HCAR3: variants seen among roughly 807,000 people sequenced by gnomAD.
The protein encoded by HCAR3 is hydroxycarboxylic acid receptor 3, also known as G-protein coupled receptor 109B.
For missense variants in HCAR3, 404 were observed against 501.2 expected, an observed-to-expected ratio of 0.81 and a Z score of 1.85; for synonymous variants, 167 against 201.0, an observed-to-expected ratio of 0.83 and a Z score of 1.43.
rs908688099 is a variant in HCAR3 at position 122,715,590 on chromosome 12, C to T, written c.1148G>A (p.Gly383Asp). The T allele has an allele frequency of 6.2e-7, 1 of 1,604,872 alleles. No homozygotes were observed. Among genetic ancestry groups the T allele is most frequent in the Admixed American group, 1.7e-5 (1 of 58,320 alleles). ...QEPASLEKQL[G>D]CCIE ...CCAGTGACATTACTCGATGCAACAG[C>T]CCAACTGTTTCTCCAGAGATGCTGG... is the stretch of plus-strand genomic sequence containing the variant. Residue 383 changes from glycine to aspartate, a missense_variant, in exon 1 of 1, where the codon GGC becomes GAC. Gly to Asp is a moderately conservative substitution (Grantham distance 94). Transcript: ENST00000528880.
In HCAR3 at chr12:122,716,300, G is replaced by A. The variant is rs769456602; in HGVS notation, c.438C>T (p.Ile146=). Residue 146 remains isoleucine (I), a synonymous_variant, in exon 1 of 1, where the codon ATC becomes ATT. Transcript: ENST00000528880. The part of the protein sequence containing the change: ...LNKISNWTAA[I]ISCLLWGITV... ...TGATGCCCCACAGAAGGCAAGAGATGATGGCTGCTGTCCAATTGGAGATCT... is the reference window on the plus strand; with the variant it reads ...TGATGCCCCACAGAAGGCAAGAGATAATGGCTGCTGTCCAATTGGAGATCT... 2 of 1,614,140 alleles carry A rather than the reference G, an allele frequency of 1.2e-6. No individual in the cohort carries two copies. The highest frequency in any genetic ancestry group is 3.3e-5 in the Admixed American group (2 of 60,018).
rs371432087 is a variant in HCAR3, at chr12:122,715,594, A to G, written c.1144T>C (p.Leu382=). ...TGACATTACTCGATGCAACAGCCCAACTGTTTCTCCAGAGATGCTGGTTCT... is the reference window on the plus strand; with the variant it reads ...TGACATTACTCGATGCAACAGCCCAGCTGTTTCTCCAGAGATGCTGGTTCT... The part of the protein sequence containing the change: ...HQEPASLEKQ[L]GCCIE The change falls in exon 1 of 1, where the codon TTG becomes CTG. Residue 382 remains leucine, a synonymous_variant. Coordinates refer to ENST00000528880, the MANE Select transcript of HCAR3 (RefSeq NM_006018.3). 80 of 1,607,132 alleles carry G rather than the reference A, an allele frequency of 5.0e-5. No homozygotes were observed. Among genetic ancestry groups the G allele is most frequent in the Non-Finnish European group, 6.6e-5 (78 of 1,177,184 alleles).
rs746631594 is a variant in HCAR3 at position 122,716,201 on chromosome 12, G to T, written c.537C>A (p.Ser179Arg). The T allele has an allele frequency of 6.2e-7, 1 of 1,614,168 alleles. No individual in the cohort carries two copies. Among genetic ancestry groups the T allele is most frequent in the East Asian group, 2.2e-5 (1 of 44,876 alleles). Residue 179 changes from serine (S) to arginine (R), a missense_variant, in exon 1 of 1, where the codon AGC becomes AGA. Transcript: ENST00000528880. ...ACCGGAAGGTATGGCAGATGCTGAA[G>T]CTGATGCACACATTTGCAGTGCCAT... ...IQNGTANVCI[S>R]FSICHTFRWH...
At position 122,715,954 on chromosome 12, in the gene HCAR3, C is replaced by T. The variant is rs758617188; in HGVS notation, c.784G>A (p.Gly262Ser). The T allele has an allele frequency of 1.3e-6, 2 of 1,545,916 alleles. No individual in the cohort carries two copies. The highest frequency in any genetic ancestry group is 1.8e-6 in the Non-Finnish European group (2 of 1,127,626). The change falls in exon 1 of 1, where the codon GGC becomes AGC. Residue 262 changes from glycine to serine, a missense_variant. Gly to Ser is a moderately conservative substitution (Grantham distance 56, BLOSUM62 0). Coordinates refer to ENST00000528880, the MANE Select transcript of HCAR3 (RefSeq NM_006018.3). Reference protein sequence around the residue: ...IHIFWLLHTSGTQNCEVYRSV... With the variant: ...IHIFWLLHTSSTQNCEVYRSV... ...CGGTACACTTCACAATTCTGCGTGC[C>T]CGAAGTGTGCAGGAGCCAGAAGATG...
chr12:122,716,196 C>A lies in HCAR3; in HGVS notation c.542G>T (p.Ser181Ile), dbSNP rs1259571383. 1.2e-5 allele frequency: 20 copies of A among 1,613,984 alleles called. 1 individual carries two copies. In the Admixed American group the frequency reaches 3.2e-4, roughly 26 times the overall value. The change falls in exon 1 of 1, where the codon AGC (serine) becomes ATC (isoleucine). Residue 181 changes from serine to isoleucine, a missense_variant. Transcript: ENST00000528880. ...GTGCCACCGGAAGGTATGGCAGATG[C>A]TGAAGCTGATGCACACATTTGCAGT... ...NGTANVCISF[S>I]ICHTFRWHEA... is the part of the protein sequence containing the mutation.
Position 122,714,931 on chromosome 12 carries a change from T to G in HCAR3, c.*643A>C, listed in dbSNP as rs142365954. 1 of 150,412 alleles carries G rather than the reference T, an allele frequency of 6.6e-6. No individual in the cohort carries two copies. The highest frequency in any genetic ancestry group is 2.5e-5 in the African/African-American group (1 of 40,606). 9.3% of individuals were successfully genotyped at this position (150,412 alleles called of 1,614,324 possible). A position where few individuals can be genotyped will look rare whatever the true frequency, so the allele number is the denominator to read the frequency against. On this transcript the variant is annotated 3_prime_UTR_variant, in exon 1 of 1. Coordinates refer to ENST00000528880, the MANE Select transcript of HCAR3 (RefSeq NM_006018.3). The stretch of plus-strand genomic sequence containing the variant: ...TCTATCCTGAAGCCGTTTTAACTGT[T>G]CAACCCTTAGATTACTATAAACAAG...
rs377693593 is a variant in HCAR3 at position 122,715,648 on chromosome 12, T to C, written c.1090A>G (p.Asn364Asp). 7.4e-6 allele frequency: 12 copies of C among 1,613,936 alleles called. No individual in the cohort carries two copies. The highest frequency in any genetic ancestry group is 3.3e-5 in the South Asian group (3 of 91,050). ...TGACAATGTCCCTTCTTGGAATGGT[T>C]ATTTGAGGTTGGGCCCAGATAAGAG... ...SPSYLGPTSN[N>D]HSKKGHCHQE... The change falls in exon 1 of 1, where the codon AAC becomes GAC. Residue 364 changes from asparagine to aspartate, a missense_variant. Physicochemically the swap from Asn to Asp is conservative, Grantham distance 23. Transcript: ENST00000528880.
chr12:122,716,203 T>G lies in HCAR3; in HGVS notation c.535A>C (p.Ser179Arg). The G allele has an allele frequency of 6.2e-7, 1 of 1,614,148 alleles. No individual in the cohort carries two copies. Among genetic ancestry groups the G allele is most frequent in the Non-Finnish European group, 8.5e-7 (1 of 1,180,018 alleles). Residue 179 changes from serine (S) to arginine (R), a missense_variant, in exon 1 of 1, where the codon AGC becomes CGC. By Grantham distance (110) the Ser-to-Arg change is moderately radical (BLOSUM62 -1). Coordinates refer to ENST00000528880, the MANE Select transcript of HCAR3 (RefSeq NM_006018.3). ...IQNGTANVCISFSICHTFRWH... is the reference protein window; with the variant it reads ...IQNGTANVCIRFSICHTFRWH... Reference sequence around the variant, plus strand: ...CGGAAGGTATGGCAGATGCTGAAGCTGATGCACACATTTGCAGTGCCATTC... The same window carrying G: ...CGGAAGGTATGGCAGATGCTGAAGCGGATGCACACATTTGCAGTGCCATTC...
At position 122,716,653 on chromosome 12, in the gene HCAR3, C is replaced by A. The variant is rs1877564212; in HGVS notation, c.85G>T (p.Val29Leu). 3 of 1,614,022 alleles carry A rather than the reference C, an allele frequency of 1.9e-6. No homozygotes were observed. The highest frequency in any genetic ancestry group is 3.3e-5 in the Admixed American group (2 of 59,982). Residue 29 changes from valine (V) to leucine (L), a missense_variant, in exon 1 of 1, where the codon GTG (valine) becomes TTG (leucine). Val to Leu is a conservative substitution (Grantham distance 32). Transcript: ENST00000528880. ...CVFRDDFIAK[V>L]LPPVLGLEFI... ...TCCAGCCCCAACACCGGCGGCAACA[C>A]CTTGGCAATGAAGTCATCTCGGAAC...
chr12:122,716,804 T>C lies in HCAR3; in HGVS notation c.-67A>G, dbSNP rs1312122246. On this transcript the variant is annotated 5_prime_UTR_variant, in exon 1 of 1. Transcript: ENST00000528880. The stretch of plus-strand genomic sequence containing the variant: ...ATGCTCCAGCAAAGTGGCGTGTGTC[T>C]GTATGGTGAACGTGTGGTTCCGTGC... 44 of 1,579,840 alleles carry C rather than the reference T, an allele frequency of 2.8e-5. No homozygotes were observed. Among genetic ancestry groups the C allele is most frequent in the Non-Finnish European group, 3.7e-5 (43 of 1,159,966 alleles).
chr12:122,716,305 C>T lies in HCAR3; in HGVS notation c.433G>A (p.Ala145Thr), dbSNP rs1353088000. 1.2e-6 allele frequency: 2 copies of T among 1,614,084 alleles called. No homozygotes were observed. The highest frequency in any genetic ancestry group is 1.1e-5 in the South Asian group (1 of 91,070). The change falls in exon 1 of 1, where the codon GCC becomes ACC. Residue 145 changes from alanine (A) to threonine (T), a missense_variant. Physicochemically the swap from Ala to Thr is moderately conservative, Grantham distance 58. Transcript: ENST00000528880. ...ALNKISNWTA[A>T]IISCLLWGIT... Reference sequence around the variant, plus strand: ...CCCCACAGAAGGCAAGAGATGATGGCTGCTGTCCAATTGGAGATCTTGTTC... The same window carrying T: ...CCCCACAGAAGGCAAGAGATGATGGTTGCTGTCCAATTGGAGATCTTGTTC...
Position 122,715,629 on chromosome 12 carries a change from T to C in HCAR3, c.1109A>G (p.His370Arg), listed in dbSNP as rs1389367679. Residue 370 changes from histidine to arginine, a missense_variant, in exon 1 of 1, where the codon CAT becomes CGT. Coordinates refer to ENST00000528880, the MANE Select transcript of HCAR3 (RefSeq NM_006018.3). ...CAGAGATGCTGGTTCTTGGTGACAA[T>C]GTCCCTTCTTGGAATGGTTATTTGA... is the stretch of plus-strand genomic sequence containing the variant. The part of the protein sequence containing the change: ...PTSNNHSKKG[H>R]CHQEPASLEK... 2 of 1,614,028 alleles carry C rather than the reference T, an allele frequency of 1.2e-6. No homozygotes were observed. Among genetic ancestry groups the C allele is most frequent in the Non-Finnish European group, 1.7e-6 (2 of 1,180,006 alleles).
At position 122,714,960 on chromosome 12, in the gene HCAR3, G is replaced by A. The variant is rs1483326485; in HGVS notation, c.*614C>T. 1 of 151,834 alleles carries A rather than the reference G, an allele frequency of 6.6e-6. No homozygotes were observed. The highest frequency in any genetic ancestry group is 1.5e-5 in the Non-Finnish European group (1 of 68,128). The allele number at this position is 151,834 out of a possible 1,614,324, so 9.4% of individuals were successfully genotyped here. A position where few individuals can be genotyped will look rare whatever the true frequency, so the allele number is the denominator to read the frequency against. ...CCCTTAGATTACTATAAACAAGAGAGGAATGGATTGCATTAGTCGCTGGTT... is the reference window on the plus strand; with the variant it reads ...CCCTTAGATTACTATAAACAAGAGAAGAATGGATTGCATTAGTCGCTGGTT... On this transcript the variant is annotated 3_prime_UTR_variant, in exon 1 of 1. Coordinates refer to ENST00000528880, the MANE Select transcript of HCAR3 (RefSeq NM_006018.3).
rs558369252 is a variant in HCAR3 at position 122,716,546 on chromosome 12, A to T, written c.192T>A (p.Ile64=). 6.2e-6 allele frequency: 10 copies of T among 1,614,140 alleles called. No homozygotes were observed. The African/African-American group carries it at 1.2e-4, about 19-fold the overall frequency. The change falls in exon 1 of 1, where the codon ATT becomes ATA. Residue 64 remains isoleucine (I), a synonymous_variant. Transcript: ENST00000528880. ...FHLKSWKSSR[I]FLFNLAVADF... ...CAGCTACTGCCAGGTTGAACAGGAA[A>T]ATCCGGCTGGATTTCCAGGACTTGA...
rs1233659545 is a variant in HCAR3 at position 122,714,764 on chromosome 12, A to T, written c.*810T>A. The T allele has an allele frequency of 6.6e-6, 1 of 151,932 alleles. No homozygotes were observed. The highest frequency in any genetic ancestry group is 1.5e-5 in the Non-Finnish European group (1 of 68,010). 9.4% of individuals were successfully genotyped at this position (151,932 alleles called of 1,614,324 possible). A position where few individuals can be genotyped will look rare whatever the true frequency, so the allele number is the denominator to read the frequency against. On this transcript the variant is annotated 3_prime_UTR_variant, in exon 1 of 1. Transcript: ENST00000528880. ...ATATAGCAACGCCAGACTGTCTCCT[A>T]TCAAAATTTATTGAAATGGTAGATT...
Position 122,715,432 on chromosome 12 carries a change from C to G in HCAR3, c.*142G>C. 1 of 953,916 alleles carries G rather than the reference C, an allele frequency of 1.0e-6. No individual in the cohort carries two copies. Among genetic ancestry groups the G allele is most frequent in the Non-Finnish European group, 1.6e-6 (1 of 636,606 alleles). 59.1% of individuals were successfully genotyped at this position (953,916 alleles called of 1,614,324 possible). On this transcript the variant is annotated 3_prime_UTR_variant, in exon 1 of 1. Coordinates refer to ENST00000528880, the MANE Select transcript of HCAR3 (RefSeq NM_006018.3). ...TCAGAGATGAAGCAAGTTTCAGATG[C>G]CTAGAAGCTTTACTCTCTGTTCCTC... is the stretch of plus-strand genomic sequence containing the variant.
rs771624452 is a variant in HCAR3, at chr12:122,715,841, T to A, written c.897A>T (p.Pro299=). Reference sequence around the variant, plus strand: ...AAGTGGAGAAGAAGTTGGGAAAGGATGGGCTGGAGAAGTAGTACACCACGG... The same window carrying A: ...AAGTGGAGAAGAAGTTGGGAAAGGAAGGGCTGGAGAAGTAGTACACCACGG... The part of the protein sequence containing the change: ...LDPVVYYFSS[P]SFPNFFSTLI... Residue 299 remains proline, a synonymous_variant, in exon 1 of 1, where the codon CCA becomes CCT. Transcript: ENST00000528880. 5.0e-6 allele frequency: 8 copies of A among 1,596,368 alleles called. No homozygotes were observed. In the Admixed American group the frequency reaches 1.4e-4, roughly 27 times the overall value.
chr12:122,716,170 C>G lies in HCAR3; in HGVS notation c.568G>C (p.Glu190Gln). Reference protein sequence around the residue: ...FSICHTFRWHEAMFLLEFFLP... With the variant: ...FSICHTFRWHQAMFLLEFFLP... Reference sequence around the variant, plus strand: ...AAGAACTCCAGGAGGAACATAGCTTCGTGCCACCGGAAGGTATGGCAGATG... The same window carrying G: ...AAGAACTCCAGGAGGAACATAGCTTGGTGCCACCGGAAGGTATGGCAGATG... The change falls in exon 1 of 1, where the codon GAA becomes CAA. Residue 190 changes from glutamate to glutamine, a missense_variant. By Grantham distance (29) the Glu-to-Gln change is conservative. Coordinates refer to ENST00000528880, the MANE Select transcript of HCAR3 (RefSeq NM_006018.3). 6.2e-7 allele frequency: 1 copy of G among 1,614,114 alleles called. No homozygotes were observed. The highest frequency in any genetic ancestry group is 8.5e-7 in the Non-Finnish European group (1 of 1,180,016).
rs1877505428 is a variant in HCAR3, at chr12:122,715,376, T to C, written c.*198A>G. ...TCCAACTCTGCTCAGCAGAAACGCCTACAATTTGCCCATCTTCAGTCCTGC... is the reference window on the plus strand; with the variant it reads ...TCCAACTCTGCTCAGCAGAAACGCCCACAATTTGCCCATCTTCAGTCCTGC... On this transcript the variant is annotated 3_prime_UTR_variant, in exon 1 of 1. Transcript: ENST00000528880. 1 of 615,506 alleles carries C rather than the reference T, an allele frequency of 1.6e-6. No individual in the cohort carries two copies. The highest frequency in any genetic ancestry group is 1.8e-5 in the African/African-American group (1 of 54,200). The allele number at this position is 615,506 out of a possible 1,614,324, so 38.1% of individuals were successfully genotyped here.
Sources: allele counts gnomAD v4.1 joint callset, GRCh38; gene constraint gnomAD v4.1.1; transcripts MANE v1.5; gene names NCBI Gene and HGNC (gene_info 2026-07-23, HGNC 2026-07-21).